Variants in AKAP14 observed in about 807,000 individuals in gnomAD.
AKAP14 encodes the protein A-kinase anchoring protein 14, also known as A-kinase anchor protein 14.
AKAP14 carries 4 observed loss-of-function variants against 17.0 expected under a neutral mutation model. The observed-to-expected ratio is 0.23, with a 90% confidence interval of 0.12 to 0.54. The LOEUF is 0.54. Ranked by LOEUF, AKAP14 falls within the 20% of genes least tolerant of loss-of-function variation. The probability of loss-of-function intolerance (pLI) is 0.95; values close to 1 mark genes in which losing one functional copy is unlikely to be tolerated. For missense variants in AKAP14, 129 were observed against 150.9 expected, an observed-to-expected ratio of 0.85 and a Z score of 0.76; for synonymous variants, 42 against 51.3, an observed-to-expected ratio of 0.82 and a Z score of 0.77.
chrX:119,904,101 A>C (rs918996112), intron 4 of AKAP14, among the ~76,000 whole-genome samples: 3 of 110,384 alleles, frequency 2.7e-5, no homozygotes, highest in African/African-American at 9.8e-5. Flanking sequence ...ACACCTGGCT[A>C]ATTTTTAATT....
intron 4 of AKAP14, among the ~76,000 whole-genome samples, chrX:119,910,172 G>T (rs920972901): frequency 9.0e-6 from 1 of 111,275 alleles, no homozygotes; most frequent in Non-Finnish European, 1.9e-5. Context: ...TCAGAAAAAA[G>T]GAATAATGAT....
Position 119,895,965 on chromosome X carries a change from A to C in AKAP14, c.-146A>C, listed in dbSNP as rs1320715146. ...CTTCCTGGCATGGCCCTGTAAGCTCATCTTCGGCTGAAGAGAAGCTAGGTA... is the reference window on the plus strand; with the variant it reads ...CTTCCTGGCATGGCCCTGTAAGCTCCTCTTCGGCTGAAGAGAAGCTAGGTA... On this transcript the variant is annotated 5_prime_UTR_variant, in exon 1 of 7. Coordinates refer to ENST00000371431, the MANE Select transcript of AKAP14 (RefSeq NM_178813.6). 9.0e-6 allele frequency: 1 copy of C among 111,551 alleles called. No homozygotes were observed. Among genetic ancestry groups the C allele is most frequent in the East Asian group, 2.8e-4 (1 of 3,546 alleles). The allele number at this position is 111,551 out of a possible 1,213,427, so 9.2% of individuals were successfully genotyped here.
chrX:119,914,792 T>C lies in AKAP14; in HGVS notation c.355T>C (p.Trp119Arg), dbSNP rs1380247116. The C allele has an allele frequency of 8.3e-7, 1 of 1,210,018 alleles. No individual in the cohort carries two copies. Among genetic ancestry groups the C allele is most frequent in the East Asian group, 3.0e-5 (1 of 33,857 alleles). Residue 119 changes from tryptophan (W) to arginine (R), a missense_variant, in exon 5 of 7, where the codon TGG becomes CGG. Trp to Arg is a moderately radical substitution (Grantham distance 101, BLOSUM62 -3). Coordinates refer to ENST00000371431, the MANE Select transcript of AKAP14 (RefSeq NM_178813.6). ...HSFLYIYYVH[W>R]SISTADLPVA... ...CTTCCTCTACATCTACTATGTACAC[T>C]GGAGTATCTCAACTGCTGACCTACC...
At chrX:119,898,075 A>ATTGC (rs1486682237) in intron 2 of AKAP14, among the ~76,000 whole-genome samples, 1 of 112,611 alleles carries the variant, frequency 8.9e-6, no homozygotes, top group African/African-American at 3.2e-5. Context: ...AGGCAGGAGA[A>ATTGC]TTGCTTGAAC....
intron 4 of AKAP14, among the ~76,000 whole-genome samples, chrX:119,912,710 T>C (rs1216157712): frequency 9.0e-6 from 1 of 111,187 alleles, no homozygotes; most frequent in Non-Finnish European, 1.9e-5. Context: ...CTTTCAATAA[T>C]GTAGTTAACC....
At chrX:119,907,785 G>T (rs974341066) in intron 4 of AKAP14, among the ~76,000 whole-genome samples, 3 of 111,620 alleles carry the variant, frequency 2.7e-5, no homozygotes, top group Admixed American at 1.9e-4. Context: ...ACTGCACCCA[G>T]TCAGTTCTAT....
chrX:119,914,770 C>T lies in AKAP14; in HGVS notation c.333C>T (p.Phe111=), dbSNP rs747906656. 2 of 1,208,286 alleles carry T rather than the reference C, an allele frequency of 1.7e-6. No homozygotes were observed. Among genetic ancestry groups the T allele is most frequent in the African/African-American group, 3.5e-5 (2 of 57,297 alleles). ...AGAGGAAAGACTTAATTCACAGCTT[C>T]CTCTACATCTACTATGTACACTGGA... ...FVERKDLIHS[F]LYIYYVHWSI... is the part of the protein sequence containing the mutation. Residue 111 remains phenylalanine (F), a synonymous_variant, in exon 5 of 7, where the codon TTC becomes TTT. Transcript: ENST00000371431.
rs1241766410 is a variant in AKAP14, at chrX:119,920,671, G to A, written c.*64G>A. 15 of 793,734 alleles carry A rather than the reference G, an allele frequency of 1.9e-5. No homozygotes were observed. Among genetic ancestry groups the A allele is most frequent in the South Asian group, 8.7e-5 (3 of 34,405 alleles). The allele number at this position is 793,734 out of a possible 1,213,427, so 65.4% of individuals were successfully genotyped here. A position where few individuals can be genotyped will look rare whatever the true frequency, so the allele number is the denominator to read the frequency against. On this transcript the variant is annotated 3_prime_UTR_variant, in exon 7 of 7. Coordinates refer to ENST00000371431, the MANE Select transcript of AKAP14 (RefSeq NM_178813.6). ...ATACATTAAAAATACAATACAGCAC[G>A]TCAAACCACAGAATATTTATTGAGT... is the stretch of plus-strand genomic sequence containing the variant.
Position 119,906,821 on chromosome X carries a change from G to A in AKAP14, c.261+3235G>A, listed in dbSNP as rs1329025051. Among the ~76,000 whole-genome samples, 3 of 112,132 alleles carry A rather than the reference G, an allele frequency of 2.7e-5. No individual in the cohort carries two copies. In the East Asian group the frequency reaches 8.4e-4, roughly 31 times the overall value. On this transcript the variant is annotated intron_variant, in intron 4 of 6. Coordinates refer to ENST00000371431, the MANE Select transcript of AKAP14 (RefSeq NM_178813.6). The stretch of plus-strand genomic sequence containing the variant: ...GGACTCCCAAAGTGTTGGGATTACA[G>A]GTGTGAGCCACTGCACCCGGCCAAA...
intron 5 of AKAP14, among the ~76,000 whole-genome samples, chrX:119,918,727 C>G (rs1420023589): frequency 8.9e-6 from 1 of 112,031 alleles, no homozygotes. Flanking sequence ...GTGAAAAGAG[C>G]CAAAATAACA....
intron 4 of AKAP14, among the ~76,000 whole-genome samples, chrX:119,904,491 T>G (rs1006930700): frequency 4.5e-5 from 5 of 112,276 alleles, no homozygotes; most frequent in African/African-American, 1.3e-4. Context: ...TTCACATCTG[T>G]AATCCCAGCA....
intron 5 of AKAP14, among the ~76,000 whole-genome samples, chrX:119,916,479 T>TCTAA (rs2056658766): frequency 9.3e-6 from 1 of 107,902 alleles, no homozygotes; most frequent in Non-Finnish European, 1.9e-5. Context: ...TATCTATCTA[T>TCTAA]CTATCATCTA....
At chrX:119,908,399 A>G (rs1025046901) in intron 4 of AKAP14, among the ~76,000 whole-genome samples, 10 of 111,444 alleles carry the variant, frequency 9.0e-5, no homozygotes, top group African/African-American at 3.3e-4. Context: ...CAGTCTGGCA[A>G]CAGGAATATA....
intron 2 of AKAP14, among the ~76,000 whole-genome samples, chrX:119,900,348 C>T (rs1452697628): frequency 1.8e-5 from 2 of 112,230 alleles, no homozygotes; most frequent in Admixed American, 1.9e-4. Flanking sequence ...CCGCCTCGGC[C>T]TCCCAAAGAG....
At position 119,920,682 on chromosome X, in the gene AKAP14, G is replaced by T. The variant is rs2056684684; in HGVS notation, c.*75G>T. 1.3e-6 allele frequency: 1 copy of T among 758,771 alleles called. No homozygotes were observed. Among genetic ancestry groups the T allele is most frequent in the East Asian group, 3.4e-5 (1 of 29,248 alleles). 62.5% of individuals were successfully genotyped at this position (758,771 alleles called of 1,213,427 possible). A position where few individuals can be genotyped will look rare whatever the true frequency, so the allele number is the denominator to read the frequency against. ...ATACAATACAGCACGTCAAACCACA[G>T]AATATTTATTGAGTAATAAACTTGT... is the stretch of plus-strand genomic sequence containing the variant. On this transcript the variant is annotated 3_prime_UTR_variant, in exon 7 of 7. Transcript: ENST00000371431.
At chrX:119,912,241 G>A (rs775768537) in intron 4 of AKAP14, among the ~76,000 whole-genome samples, 1 of 110,283 alleles carries the variant, frequency 9.1e-6, no homozygotes, top group Non-Finnish European at 1.9e-5. Flanking sequence ...CCGGCCCACG[G>A]GAGGTTTTTG....
chrX:119,919,882 G>A (rs977567049), intron 5 of AKAP14, 29 bp from the exon 6 acceptor site: 5 of 1,202,259 alleles, frequency 4.2e-6, no homozygotes. Flanking sequence ...TGACTGGTCT[G>A]GGCTAACAGT....
intron 4 of AKAP14, among the ~76,000 whole-genome samples, chrX:119,908,302 AG>A (rs2056609605): frequency 9.3e-6 from 1 of 106,960 alleles, no homozygotes; most frequent in Non-Finnish European, 1.9e-5. Context: ...AAAAAAAAAA[AG>A]AAGGATGGTA....
chrX:119,910,246 G>A (rs1258555153), intron 4 of AKAP14, among the ~76,000 whole-genome samples: 1 of 112,140 alleles, frequency 8.9e-6, no homozygotes. Context: ...TCTCTGGACT[G>A]AAACAGCCAA....
Sources: allele counts gnomAD v4.1 joint callset (sites outside exome capture counted in the v4.1 genomes callset), GRCh38; gene constraint gnomAD v4.1.1; transcripts MANE v1.5; gene names NCBI Gene and HGNC (gene_info 2026-07-23, HGNC 2026-07-21).